CPVL: variants seen among roughly 807,000 people sequenced by gnomAD.
CPVL encodes carboxypeptidase vitellogenic like, also known as probable serine carboxypeptidase CPVL.
A neutral mutation model predicts 63.7 loss-of-function variants in CPVL; 51 were observed. That is an observed-to-expected ratio of 0.80 (90% CI 0.64 to 1.01). The LOEUF is 1.01. CPVL is among the 50% of genes least tolerant of loss of function. The probability of loss-of-function intolerance (pLI) is 0.00; values close to 1 mark genes in which losing one functional copy is unlikely to be tolerated. For synonymous variants in CPVL, 195 were observed against 206.0 expected (o/e 0.95, Z 0.46); for missense variants, 530 against 573.1 (o/e 0.92, Z 0.77).
intron 5 of CPVL, among the ~76,000 whole-genome samples, chr7:29,094,678 C>G (rs774298140): frequency 6.6e-6 from 1 of 152,000 alleles, no homozygotes; most frequent in Non-Finnish European, 1.5e-5. Context: ...GAACACCCCC[C>G]ACCCCACGCT....
chr7:29,137,629 A>G (rs997729498), intron 1 of CPVL, among the ~76,000 whole-genome samples: 4 of 152,156 alleles, frequency 2.6e-5, no homozygotes, highest in African/African-American at 9.7e-5. Context: ...GTGTAGCTCA[A>G]TTTTATAGGC....
At chr7:29,041,582 TC>T (rs144998064) in intron 11 of CPVL, among the ~76,000 whole-genome samples, 7,014 of 152,106 alleles carry the variant, frequency 0.046, 400 homozygotes, top group East Asian at 0.25. Flanking sequence ...TTTCTTTCTT[TC>T]TCCACATCAT....
chr7:29,048,950 A>C (rs1346824380), intron 11 of CPVL, among the ~76,000 whole-genome samples: 5 of 152,052 alleles, frequency 3.3e-5, no homozygotes, highest in Non-Finnish European at 4.4e-5. Flanking sequence ...CGGAAATTTA[A>C]AAGTTCTTCA....
intron 5 of CPVL, among the ~76,000 whole-genome samples, chr7:29,176,527 T>G (rs953901220): frequency 1.3e-5 from 2 of 152,124 alleles, no homozygotes; most frequent in Non-Finnish European, 2.9e-5. Context: ...AATCTAACTT[T>G]GATTCCAAAG....
At chr7:29,048,435 T>C (rs1036886863) in intron 11 of CPVL, among the ~76,000 whole-genome samples, 4 of 152,028 alleles carry the variant, frequency 2.6e-5, no homozygotes, top group African/African-American at 9.7e-5. Flanking sequence ...AAAACAAACT[T>C]AAAGCAACTG....
chr7:29,158,206 A>C (rs1794692434), intron 5 of CPVL, among the ~76,000 whole-genome samples: 1 of 152,194 alleles, frequency 6.6e-6, no homozygotes, highest in Non-Finnish European at 1.5e-5. Flanking sequence ...GGAATGAATG[A>C]ATGTCTACAA....
At chr7:29,173,948 TC>T (rs758712727) in intron 5 of CPVL, among the ~76,000 whole-genome samples, 5 of 142,542 alleles carry the variant, frequency 3.5e-5, no homozygotes, top group Non-Finnish European at 4.6e-5. Flanking sequence ...GGAGACTGAC[TC>T]AAAAAAAAAA....
chr7:29,030,679 T>C lies in CPVL; in HGVS notation c.1218A>G (p.Lys406=). ...CTGCCTTCTTGTATTCCTGGGATCC[T>C]TTCCAGTCCATGCCCATCAAGGAGC... is the stretch of plus-strand genomic sequence containing the variant. ...TERSLMGMDW[K]GSQEYKKAEK... is the part of the protein sequence containing the mutation. The change falls in exon 12 of 13, where the codon AAA becomes AAG. Residue 406 remains lysine (K), a synonymous_variant. Transcript: ENST00000265394. 1.2e-6 allele frequency: 2 copies of C among 1,613,950 alleles called. No individual in the cohort carries two copies. The highest frequency in any genetic ancestry group is 1.7e-6 in the Non-Finnish European group (2 of 1,179,922).
intron 12 of CPVL, among the ~76,000 whole-genome samples, chr7:29,027,055 T>A (rs1466227806): frequency 1.3e-5 from 2 of 151,992 alleles, no homozygotes; most frequent in African/African-American, 4.8e-5. Context: ...TACAGGCCAA[T>A]CTCCCTAATG....
intron 1 of CPVL, among the ~76,000 whole-genome samples, chr7:29,138,109 A>G (rs989950554): frequency 6.6e-6 from 1 of 152,224 alleles, no homozygotes; most frequent in African/African-American, 2.4e-5. Flanking sequence ...GCTGGAAACT[A>G]GTAATAATAG....
At chr7:29,019,816 C>T (rs934654354) in intron 12 of CPVL, among the ~76,000 whole-genome samples, 5 of 152,200 alleles carry the variant, frequency 3.3e-5, no homozygotes, top group African/African-American at 1.2e-4. Context: ...CACCCCAAAC[C>T]AACGCTGAGG....
intron 6 of CPVL, among the ~76,000 whole-genome samples, chr7:29,091,908 T>C (rs1422377210): frequency 6.6e-6 from 1 of 152,100 alleles, no homozygotes; most frequent in Non-Finnish European, 1.5e-5. Flanking sequence ...GAGTGCTTGG[T>C]GGAGGTGTGG....
intron 2 of CPVL, among the ~76,000 whole-genome samples, chr7:29,115,994 C>G (rs1376789410): frequency 6.6e-6 from 1 of 152,128 alleles, no homozygotes; most frequent in Non-Finnish European, 1.5e-5. Flanking sequence ...CCTCCTAGGT[C>G]AGGAGGTTGG....
chr7:29,071,713 GCCCTCCCT>G, intron 9 of CPVL, 52 bp downstream of exon 9: 1 of 273,486 alleles, frequency 3.7e-6, no homozygotes, highest in Non-Finnish European at 6.9e-6. Flanking sequence ...CTGCTCACCC[GCCCTCCCT>G]CCCCAGATGG....
chr7:29,117,690 C>T (rs575548716), intron 2 of CPVL, among the ~76,000 whole-genome samples: 6 of 152,210 alleles, frequency 3.9e-5, no homozygotes, highest in Middle Eastern at 3.4e-3. Context: ...TTGATTTCTC[C>T]GGGCCTCAGT....
At chr7:29,047,594 C>T (rs986886972) in intron 11 of CPVL, among the ~76,000 whole-genome samples, 4 of 152,076 alleles carry the variant, frequency 2.6e-5, no homozygotes, top group Non-Finnish European at 4.4e-5. Flanking sequence ...GTAGACAAAT[C>T]GAAAAGTTTG....
chr7:29,152,468 TAAC>T (rs925469409), intron 5 of CPVL, among the ~76,000 whole-genome samples: 16 of 152,162 alleles, frequency 1.1e-4, no homozygotes, highest in African/African-American at 3.4e-4. Flanking sequence ...ATGGAAGTCA[TAAC>T]AACTTACCCA....
At chr7:29,106,929 G>C (rs574481530) in intron 3 of CPVL, among the ~76,000 whole-genome samples, 1 of 152,074 alleles carries the variant, frequency 6.6e-6, no homozygotes, top group Non-Finnish European at 1.5e-5. Flanking sequence ...TGTCTGGCTG[G>C]GCAGTTCTGG....
At chr7:29,112,218 G>A (rs888790023) in intron 3 of CPVL, among the ~76,000 whole-genome samples, 6 of 152,158 alleles carry the variant, frequency 3.9e-5, no homozygotes, top group Admixed American at 6.5e-5. Context: ...AACAGAATAT[G>A]CTCAATAAGT....
Sources: gnomAD v4.1 joint callset for allele counts (sites outside exome capture counted in the v4.1 genomes callset) on GRCh38, gnomAD v4.1.1 for gene constraint, MANE v1.5 for transcripts, NCBI Gene and HGNC (gene_info 2026-07-23, HGNC 2026-07-21) for gene names.